MTMR9: variants seen among roughly 807,000 people sequenced by gnomAD.
MTMR9 encodes the protein myotubularin-related protein 9.
Under a neutral mutation model 69.5 loss-of-function variants are expected in MTMR9, and 39 were observed. The observed-to-expected ratio is 0.56, with a 90% CI of 0.43 to 0.73. The LOEUF (loss-of-function observed/expected upper bound fraction) is 0.73, where lower values mean the gene tolerates loss of function less well. Among genes scored for constraint, MTMR9 ranks in the 30% least tolerant of loss-of-function variants. MTMR9 has a pLI of 0.00. For synonymous variants in MTMR9, 354 were observed against 240.8 expected (o/e 1.47, Z -4.35); for missense variants, 900 against 671.2 (o/e 1.34, Z -3.77).
chr8:11,305,550 A>G (rs1420321648), intron 4 of MTMR9, among the ~76,000 whole-genome samples: 1 of 152,218 alleles, frequency 6.6e-6, no homozygotes, highest in Non-Finnish European at 1.5e-5. Context: ...TTCGCCAGGG[A>G]AGAGATTAGT....
chr8:11,319,674 C>G lies in MTMR9; in HGVS notation c.1335-13C>G, dbSNP rs564461929. ...AATTAATTACTTTAATGGCAGTGTTCTTTCTTGATCAGATGTAAGTTGAAG... is the reference window on the plus strand; with the variant it reads ...AATTAATTACTTTAATGGCAGTGTTGTTTCTTGATCAGATGTAAGTTGAAG... On this transcript the variant is annotated splice_polypyrimidine_tract_variant and intron_variant, in intron 8 of 9. Coordinates refer to ENST00000221086, the MANE Select transcript of MTMR9 (RefSeq NM_015458.4). 1.2e-6 allele frequency: 2 copies of G among 1,612,830 alleles called. No individual in the cohort carries two copies. Among genetic ancestry groups the G allele is most frequent in the Admixed American group, 1.7e-5 (1 of 59,974 alleles).
At chr8:11,337,867 C>A in the MTMR9 span, among the ~76,000 whole-genome samples, 2 of 152,180 alleles carry the variant, frequency 1.3e-5, no homozygotes, top group Admixed American at 6.5e-5. Flanking sequence ...TGAGTCTTCA[C>A]AAGATAGTAC....
At position 11,322,637 on chromosome 8, in the gene MTMR9, G is replaced by A. The variant is rs375789918; in HGVS notation, c.1499G>A (p.Arg500His). 6.8e-6 allele frequency: 11 copies of A among 1,612,832 alleles called. No individual in the cohort carries two copies. The highest frequency in any genetic ancestry group is 3.3e-5 in the South Asian group (3 of 90,892). ...SLPLWEGIFL[R>H]WNRSSKYLDE... ...CTGGATTCAATAGGTATTTTCCTAC[G>A]TTGGAATAGATCCTCTAAGTATTTG... Residue 500 changes from arginine to histidine, a missense_variant, in exon 10 of 10, where the codon CGT (arginine) becomes CAT (histidine). Coordinates refer to ENST00000221086, the MANE Select transcript of MTMR9 (RefSeq NM_015458.4).
intron 1 of MTMR9, among the ~76,000 whole-genome samples, chr8:11,288,120 TTATTCACCTAAA>T (rs1214470793): frequency 7.5e-6 from 1 of 133,068 alleles, no homozygotes; most frequent in African/African-American, 2.8e-5. Context: ...TATTAAATAA[TTATTCACCTAAA>T]TATTCACCTA....
At position 11,284,832 on chromosome 8, in the gene MTMR9, G is replaced by T. The variant is rs945720625; in HGVS notation, c.-57G>T. 134 of 1,466,700 alleles carry T rather than the reference G, an allele frequency of 9.1e-5. No homozygotes were observed. The highest frequency in any genetic ancestry group is 1.2e-4 in the Non-Finnish European group (132 of 1,090,612). 90.9% of individuals were successfully genotyped at this position (1,466,700 alleles called of 1,614,324 possible). A position where few individuals can be genotyped will look rare whatever the true frequency, so the allele number is the denominator to read the frequency against. ...GGTGTTTCCGCTACTTCCCTGCGGCGGGGTAACCGCCTCGCACCTACCGGG... is the reference window on the plus strand; with the variant it reads ...GGTGTTTCCGCTACTTCCCTGCGGCTGGGTAACCGCCTCGCACCTACCGGG... On this transcript the variant is annotated 5_prime_UTR_variant, in exon 1 of 10. Transcript: ENST00000221086.
Position 11,285,084 on chromosome 8 carries a change from C to A in MTMR9, c.182+14C>A. On this transcript the variant is annotated intron_variant, in intron 1 of 9. Transcript: ENST00000221086. ...CATCGACAAGCGGTGAGTGCCCGCC[C>A]CACCCCAGCTCCGCAGGGAGCCGGG... is the stretch of plus-strand genomic sequence containing the variant. 4 of 1,565,054 alleles carry A rather than the reference C, an allele frequency of 2.6e-6. No individual in the cohort carries two copies. Among genetic ancestry groups the A allele is most frequent in the Non-Finnish European group, 3.5e-6 (4 of 1,151,500 alleles).
At chr8:11,328,550 T>TA (rs1479682719), downstream of MTMR9, among the ~76,000 whole-genome samples, 1 of 152,208 alleles carries the variant, frequency 6.6e-6, no homozygotes, top group Non-Finnish European at 1.5e-5. Flanking sequence ...AGCTCTTTCT[T>TA]AGAGTAGAAT....
intron 6 of MTMR9, 81 bp from the exon 7 acceptor site, chr8:11,314,842 C>T: frequency 1.0e-5 from 14 of 1,396,860 alleles, no homozygotes; most frequent in East Asian, 4.6e-5. Context: ...ATGTTGTGCT[C>T]AATAAACGCT....
Position 11,327,831 on chromosome 8 carries a change from C to G in MTMR9, c.*5043C>G, listed in dbSNP as rs1471121896. On this transcript the variant is annotated 3_prime_UTR_variant, in exon 10 of 10. Transcript: ENST00000221086. ...ACCTGTGTACGCACACACACATATA[C>G]ATACAGTCTTAGGGAAAAAAAAAAG... is the stretch of plus-strand genomic sequence containing the variant. 6.6e-6 allele frequency: 1 copy of G among 152,544 alleles called. No individual in the cohort carries two copies. The highest frequency in any genetic ancestry group is 2.1e-4 in the South Asian group (1 of 4,822). The allele number at this position is 152,544 out of a possible 1,614,324, so 9.4% of individuals were successfully genotyped here.
intron 3 of MTMR9, among the ~76,000 whole-genome samples, chr8:11,303,740 C>T (rs992364115): frequency 2.0e-5 from 3 of 152,048 alleles, no homozygotes; most frequent in African/African-American, 7.2e-5. Flanking sequence ...GGCCATGTTG[C>T]CCTGGCTGGT....
chr8:11,287,291 T>A (rs898529440), intron 1 of MTMR9, among the ~76,000 whole-genome samples: 5 of 152,320 alleles, frequency 3.3e-5, no homozygotes, highest in East Asian at 1.9e-4. Context: ...CTTTCCTTTC[T>A]TATTTACCTT....
At chr8:11,332,542 G>GC (rs1339276344), downstream of MTMR9, among the ~76,000 whole-genome samples, 2 of 151,570 alleles carry the variant, frequency 1.3e-5, no homozygotes, top group African/African-American at 4.8e-5. Context: ...GCTGAAACGT[G>GC]CGACAACTGA....
chr8:11,299,411 T>C (rs1486997332), intron 2 of MTMR9, among the ~76,000 whole-genome samples: 6 of 152,206 alleles, frequency 3.9e-5, no homozygotes, highest in Non-Finnish European at 5.9e-5. Context: ...TCTTAATGCT[T>C]CAACAACACT....
At chr8:11,308,827 G>T (rs116880003) in intron 5 of MTMR9, among the ~76,000 whole-genome samples, 6 of 152,280 alleles carry the variant, frequency 3.9e-5, no homozygotes, top group Non-Finnish European at 8.8e-5. Flanking sequence ...ATAGGCGAAA[G>T]CTGTGCTCTT....
chr8:11,307,893 G>C lies in MTMR9; in HGVS notation c.809+1486G>C, dbSNP rs1799998737. Reference sequence around the variant, plus strand: ...TCAGGTCTTGCCCATTCTTTAATCAGGTTTTGTGTTTTCTTGCTGTTGAGT... The same window carrying C: ...TCAGGTCTTGCCCATTCTTTAATCACGTTTTGTGTTTTCTTGCTGTTGAGT... On this transcript the variant is annotated intron_variant, in intron 5 of 9. Transcript: ENST00000221086. Among the ~76,000 whole-genome samples the C allele has an allele frequency of 2.6e-5, 4 of 151,754 alleles. No individual in the cohort carries two copies. The South Asian group carries it at 8.3e-4, about 32-fold the overall frequency.
chr8:11,316,453 G>C (rs573947876), intron 7 of MTMR9: 5 of 383,746 alleles, frequency 1.3e-5, no homozygotes, highest in African/African-American at 4.1e-5. Context: ...CACCTTAGCC[G>C]CGCAGCCTCA....
chr8:11,320,985 C>G (rs1411522316), intron 9 of MTMR9: 1 of 159,578 alleles, frequency 6.3e-6, no homozygotes, highest in Non-Finnish European at 1.4e-5. Flanking sequence ...AAAGGCAGTT[C>G]ACGTGTGGAA....
intron 5 of MTMR9, among the ~76,000 whole-genome samples, chr8:11,308,028 C>T (rs974545218): frequency 6.6e-6 from 1 of 152,244 alleles, no homozygotes; most frequent in South Asian, 2.1e-4. Flanking sequence ...TTTTGCTGTG[C>T]AAAACTTGTT....
chr8:11,328,591 A>T (rs188006258), downstream of MTMR9, among the ~76,000 whole-genome samples: 2 of 152,356 alleles, frequency 1.3e-5, no homozygotes, highest in East Asian at 3.9e-4. Flanking sequence ...AGAAAATGGA[A>T]TTAAAAAGCC....
Sources: gnomAD v4.1 joint callset for allele counts (sites outside exome capture counted in the v4.1 genomes callset) on GRCh38, gnomAD v4.1.1 for gene constraint, MANE v1.5 for transcripts, NCBI Gene and HGNC (gene_info 2026-07-23, HGNC 2026-07-21) for gene names.